The following ZBTB46 variants were observed in gnomAD, a reference collection of about 807,000 sequenced individuals.
The protein encoded by ZBTB46 is zinc finger and BTB domain containing 46, also known as zinc finger and BTB domain-containing protein 46.
A neutral mutation model predicts 44.1 loss-of-function variants in ZBTB46; 8 were observed. That is an observed-to-expected ratio of 0.18 (90% CI 0.11 to 0.33). ZBTB46 has a LOEUF of 0.33. ZBTB46 is among the 10% of genes least tolerant of loss of function. The pLI, the probability that ZBTB46 is intolerant of heterozygous loss-of-function variation, is 1.00. For synonymous variants in ZBTB46, 409 were observed against 382.3 expected (o/e 1.07, Z -0.81); for missense variants, 651 against 847.7 (o/e 0.77, Z 2.88).
chr20:63,781,707 G>A (rs1445416269), intron 2 of ZBTB46, among the ~76,000 whole-genome samples: 1 of 151,990 alleles, frequency 6.6e-6, no homozygotes, highest in African/African-American at 2.4e-5. Flanking sequence ...CAGGAGAATT[G>A]CTTGAACCTA....
chr20:63,826,926 C>T (rs950351070), intron 1 of ZBTB46, among the ~76,000 whole-genome samples: 8 of 152,182 alleles, frequency 5.3e-5, no homozygotes, highest in African/African-American at 1.9e-4. Flanking sequence ...ATCCACTCTC[C>T]GGGAAGCAGG....
chr20:63,777,750 A>C (rs1455219768), intron 2 of ZBTB46, among the ~76,000 whole-genome samples: 1 of 152,242 alleles, frequency 6.6e-6, no homozygotes, highest in Non-Finnish European at 1.5e-5. Flanking sequence ...CAACAAGTCC[A>C]TCGATGGACG....
At chr20:63,753,227 G>C (rs2281927) in intron 3 of ZBTB46, among the ~76,000 whole-genome samples, 92,520 of 152,118 alleles carry the variant, frequency 0.61, 28,428 homozygotes, top group South Asian at 0.76. Flanking sequence ...CACTGGGCAT[G>C]TGTGGGTAGC....
At chr20:63,823,858 T>TTGTGTGTGTGTGTGTGTGTG (rs11474683) in intron 1 of ZBTB46, among the ~76,000 whole-genome samples, 1,578 of 144,740 alleles carry the variant, frequency 0.011, 9 homozygotes, top group Middle Eastern at 0.028. Context: ...TCTAGGAACC[T>TTGTGTGTGTGTGTGTGTGTG]TGTGTGTGTG....
chr20:63,757,834 C>T (rs1056955043), intron 3 of ZBTB46, among the ~76,000 whole-genome samples: 1 of 143,498 alleles, frequency 7.0e-6, no homozygotes, highest in East Asian at 2.1e-4. Context: ...CCACCCGCCC[C>T]GTCCAGGGCT....
At chr20:63,780,596 T>A (rs111933993) in intron 2 of ZBTB46, among the ~76,000 whole-genome samples, 4 of 147,274 alleles carry the variant, frequency 2.7e-5, no homozygotes, top group Non-Finnish European at 6.0e-5. Flanking sequence ...AGGTCAGGAG[T>A]TCAAGACCAT....
chr20:63,779,943 T>G lies in ZBTB46; in HGVS notation c.938-3981A>C, dbSNP rs369402016. 2.0e-5 allele frequency among the ~76,000 whole-genome samples: 3 copies of G among 152,224 alleles called. No individual in the cohort carries two copies. The East Asian group carries it at 5.8e-4, about 29-fold the overall frequency. ...GAAAAACACATAAAAGAAATCAGGA[T>G]AAGCTGAAAGAACTCTCCCTTGTGT... On this transcript the variant is annotated intron_variant, in intron 2 of 4. Coordinates refer to ENST00000245663, the MANE Select transcript of ZBTB46 (RefSeq NM_001369741.1).
chr20:63,768,674 C>A (rs2092341016), intron 3 of ZBTB46, among the ~76,000 whole-genome samples: 1 of 151,854 alleles, frequency 6.6e-6, no homozygotes, highest in South Asian at 2.1e-4. Context: ...GAGGTACACA[C>A]CCCATGGCCC....
intron 4 of ZBTB46, among the ~76,000 whole-genome samples, chr20:63,748,919 A>ACGGG (rs1167349023): frequency 6.6e-6 from 1 of 152,190 alleles, no homozygotes; most frequent in African/African-American, 2.4e-5. Context: ...AAGACCTCTG[A>ACGGG]CGGGCAGGCA....
intron 1 of ZBTB46, among the ~76,000 whole-genome samples, chr20:63,794,261 G>A (rs920057020): frequency 6.6e-6 from 1 of 151,558 alleles, no homozygotes; most frequent in Non-Finnish European, 1.5e-5. Context: ...GCACGATCTC[G>A]GCTCACGGCA....
At chr20:63,808,993 A>AAAAAAAG (rs1568895082) in intron 1 of ZBTB46, among the ~76,000 whole-genome samples, 4 of 147,116 alleles carry the variant, frequency 2.7e-5, no homozygotes, top group Non-Finnish European at 1.5e-5. Context: ...AAAAAAAAAA[A>AAAAAAAG]AAAAAAGAAA....
chr20:63,772,764 C>A (rs1179581816), intron 3 of ZBTB46, among the ~76,000 whole-genome samples: 1 of 44,408 alleles, frequency 2.3e-5, no homozygotes, highest in Non-Finnish European at 4.1e-5. Flanking sequence ...CACACACACA[C>A]ACAGAAGTGC....
chr20:63,768,502 G>C (rs909661383), intron 3 of ZBTB46, among the ~76,000 whole-genome samples: 3 of 152,180 alleles, frequency 2.0e-5, no homozygotes, highest in Non-Finnish European at 4.4e-5. Flanking sequence ...AGCTACTTGG[G>C]AGGCTGAGGC....
chr20:63,768,054 C>G, intron 3 of ZBTB46: 2 of 985,456 alleles, frequency 2.0e-6, no homozygotes, highest in Non-Finnish European at 2.4e-6. Context: ...AGTGTGGACA[C>G]TCTGCTGCCC....
rs967632169 is a variant in ZBTB46, at chr20:63,755,152, G to A, written c.1223-2291C>T. 9.2e-5 allele frequency among the ~76,000 whole-genome samples: 14 copies of A among 152,326 alleles called. No homozygotes were observed. In the South Asian group the frequency reaches 1.7e-3, roughly 18 times the overall value. On this transcript the variant is annotated intron_variant, in intron 3 of 4. Transcript: ENST00000245663. ...CCAGGGCAGAGCCGCAGCTGCGGACGGTCCCCTCACCACCTGCATGTGCTG... is the reference window on the plus strand; with the variant it reads ...CCAGGGCAGAGCCGCAGCTGCGGACAGTCCCCTCACCACCTGCATGTGCTG...
At chr20:63,771,532 C>T (rs752019729) in intron 3 of ZBTB46, among the ~76,000 whole-genome samples, 9 of 152,182 alleles carry the variant, frequency 5.9e-5, no homozygotes, top group Non-Finnish European at 1.0e-4. Context: ...CCCCGATCAG[C>T]GTCCACCTGG....
chr20:63,816,764 G>C lies in ZBTB46; in HGVS notation c.-34+14333C>G, dbSNP rs181292249. 3.0e-3 allele frequency among the ~76,000 whole-genome samples: 457 copies of C among 152,292 alleles called. 8 individuals carry two copies. The highest frequency in any genetic ancestry group is 1.1e-3 in the Non-Finnish European group (74 of 68,020). ...ATCAAGTTAAGATGAGGTCATAGTG[G>C]ATTAGGGCGGGCCCTCACCCAATAG... On this transcript the variant is annotated intron_variant, in intron 1 of 4. Coordinates refer to ENST00000245663, the MANE Select transcript of ZBTB46 (RefSeq NM_001369741.1).
intron 3 of ZBTB46, among the ~76,000 whole-genome samples, chr20:63,764,507 G>A (rs1359080541): frequency 6.6e-6 from 1 of 151,992 alleles, no homozygotes; most frequent in Non-Finnish European, 1.5e-5. Context: ...TTGCTTTCCA[G>A]TACTTCAAAG....
At chr20:63,829,055 C>T (rs751844707) in intron 1 of ZBTB46, among the ~76,000 whole-genome samples, 4 of 152,232 alleles carry the variant, frequency 2.6e-5, no homozygotes, top group Admixed American at 6.5e-5. Context: ...CTGACAATAA[C>T]AACTGTGTAC....
Sources: allele counts gnomAD v4.1 joint callset (sites outside exome capture counted in the v4.1 genomes callset), GRCh38; gene constraint gnomAD v4.1.1; transcripts MANE v1.5; gene names NCBI Gene and HGNC (gene_info 2026-07-23, HGNC 2026-07-21).